The following ADCY7 variants were observed in gnomAD, a reference collection of about 807,000 sequenced individuals.
The protein encoded by ADCY7 is adenylate cyclase type 7.
Under a neutral mutation model 120.6 loss-of-function variants are expected in ADCY7, and 72 were observed. The ratio of observed to expected loss-of-function variants is 0.60; its 90% CI spans 0.49 to 0.73. The LOEUF (loss-of-function observed/expected upper bound fraction) is 0.73, where lower values mean the gene tolerates loss of function less well. ADCY7 is among the 30% of genes least tolerant of loss of function. The pLI is 0.00. For missense variants in ADCY7, 1,227 were observed against 1,486.0 expected (o/e 0.83, Z 2.87); for synonymous variants, 661 against 628.0 (o/e 1.05, Z -0.78).
chr16:50,308,965 A>C, intron 17 of ADCY7, 173 bp downstream of exon 17: 10 of 771,258 alleles, frequency 1.3e-5, no homozygotes, highest in Non-Finnish European at 1.9e-5. Context: ...TTGGGTTCTC[A>C]AATGCGGACT....
At chr16:50,299,060 G>A in intron 8 of ADCY7, 29 bp downstream of exon 8, 3 of 1,586,040 alleles carry the variant, frequency 1.9e-6, no homozygotes, top group Non-Finnish European at 2.6e-6. Flanking sequence ...CAGGCCCTGG[G>A]TCCTGCCCTG....
intron 25 of ADCY7, 86 bp from the exon 26 acceptor site, chr16:50,315,273 T>C (rs891583624): frequency 8.3e-6 from 13 of 1,567,834 alleles, no homozygotes; most frequent in South Asian, 1.2e-5. Context: ...GAAGGCAGAC[T>C]GCATGCCTGG....
chr16:50,282,375 T>A (rs1014115206), intron 1 of ADCY7, among the ~76,000 whole-genome samples: 3 of 152,212 alleles, frequency 2.0e-5, no homozygotes, highest in Non-Finnish European at 4.4e-5. Context: ...CCAGCAGGTC[T>A]TCTGGCTGGA....
chr16:50,310,385 C>T, intron 18 of ADCY7: 1 of 1,413,706 alleles, frequency 7.1e-7, no homozygotes. Flanking sequence ...CTCACAAAAA[C>T]TCAGGGAGGC....
chr16:50,291,948 G>A (rs759070587), intron 4 of ADCY7, 51 bp downstream of exon 4: 2 of 1,539,088 alleles, frequency 1.3e-6, no homozygotes, highest in South Asian at 1.3e-5. Context: ...CTGGGTCTAA[G>A]GGCAGATGGG....
At chr16:50,287,140 C>T (rs887731387) in intron 1 of ADCY7, among the ~76,000 whole-genome samples, 12 of 151,904 alleles carry the variant, frequency 7.9e-5, no homozygotes, top group African/African-American at 9.6e-5. Context: ...CTCAGCTTCC[C>T]GAGTAGCTGG....
chr16:50,313,857 G>C (rs1299113895), intron 22 of ADCY7, 101 bp from the exon 23 acceptor site: 1 of 893,006 alleles, frequency 1.1e-6, no homozygotes, highest in Non-Finnish European at 1.8e-6. Flanking sequence ...GCGAGAGGCG[G>C]CGATGGGTGG....
At chr16:50,294,039 G>A (rs1464803794) in intron 6 of ADCY7, among the ~76,000 whole-genome samples, 1 of 152,186 alleles carries the variant, frequency 6.6e-6, no homozygotes, top group African/African-American at 2.4e-5. Flanking sequence ...TGCAGCGCCA[G>A]CATTACATCC....
At position 50,266,619 on chromosome 16, in the gene ADCY7, C is replaced by T. The variant is rs902686623; in HGVS notation, c.-330C>T. 3.9e-5 allele frequency: 6 copies of T among 153,680 alleles called. No homozygotes were observed. The highest frequency in any genetic ancestry group is 3.7e-4 in the South Asian group (2 of 5,478). The allele number at this position is 153,680 out of a possible 1,614,324, so 9.5% of individuals were successfully genotyped here. ...CTGGGCGCGTCTGAGGAAGGGCAGGCGGGGGCCGGGCCACCTCCCTGCAGA... is the reference window on the plus strand; with the variant it reads ...CTGGGCGCGTCTGAGGAAGGGCAGGTGGGGGCCGGGCCACCTCCCTGCAGA... On this transcript the variant is annotated 5_prime_UTR_variant, in exon 1 of 26. Coordinates refer to ENST00000673801, the MANE Select transcript of ADCY7 (RefSeq NM_001114.5).
At chr16:50,290,814 A>G (rs976677841) in intron 3 of ADCY7, among the ~76,000 whole-genome samples, 154 bp downstream of exon 3, 3 of 152,158 alleles carry the variant, frequency 2.0e-5, no homozygotes, top group Non-Finnish European at 4.4e-5. Context: ...CTCTGCATTG[A>G]CAGGGCTGAG....
chr16:50,268,951 C>T, intron 1 of ADCY7, among the ~76,000 whole-genome samples: 1 of 152,188 alleles, frequency 6.6e-6, no homozygotes, highest in East Asian at 1.9e-4. Context: ...GCAGGAGGAT[C>T]CTTTGAGCCC....
At chr16:50,255,146 A>C (rs1348852154) in intron 1 of ADCY7, among the ~76,000 whole-genome samples, 1 of 149,486 alleles carries the variant, frequency 6.7e-6, no homozygotes, top group East Asian at 1.9e-4. Flanking sequence ...AAAAATTAAA[A>C]ATTTGCCGAG....
chr16:50,273,700 C>A (rs1199742111), intron 1 of ADCY7, among the ~76,000 whole-genome samples: 1 of 152,202 alleles, frequency 6.6e-6, no homozygotes, highest in Non-Finnish European at 1.5e-5. Context: ...GAAACTGAGT[C>A]CTGAGAGGCA....
chr16:50,271,267 G>A (rs1335603679), intron 1 of ADCY7, among the ~76,000 whole-genome samples: 3 of 152,000 alleles, frequency 2.0e-5, no homozygotes, highest in South Asian at 4.2e-4. Flanking sequence ...ATTTTGACAG[G>A]GTCTGGCTCT....
upstream of ADCY7, among the ~76,000 whole-genome samples, chr16:50,263,337 C>T (rs2033108181): frequency 6.6e-6 from 1 of 152,058 alleles, no homozygotes; most frequent in African/African-American, 2.4e-5. Context: ...TGGCTGGTGG[C>T]TGCGGCTGCG....
upstream of ADCY7, among the ~76,000 whole-genome samples, chr16:50,263,344 T>G (rs1006510271): frequency 6.6e-6 from 1 of 151,956 alleles, no homozygotes; most frequent in African/African-American, 2.4e-5. Flanking sequence ...TGGCTGCGGC[T>G]GCGGGGAGCA....
At chr16:50,304,809 C>T (rs1414141857) in intron 11 of ADCY7, 116 bp from the exon 12 acceptor site, 2 of 1,429,184 alleles carry the variant, frequency 1.4e-6, no homozygotes, top group Non-Finnish European at 2.0e-6. Flanking sequence ...GCTTGGACGA[C>T]CCCGACACCT....
chr16:50,313,825 A>G, intron 22 of ADCY7, 133 bp from the exon 23 acceptor site: 1 of 687,026 alleles, frequency 1.5e-6, no homozygotes, highest in Non-Finnish European at 2.5e-6. Context: ...CTCAGCTGGC[A>G]GGGCAGCCAT....
Position 50,311,901 on chromosome 16 carries a change from C to T in ADCY7, c.2448+115C>T, listed in dbSNP as rs963438255. ...GTGGAGTAGCAGAAAAGACTAGAGT[C>T]CTGCCAGGAAAGCACTGGTCCCCTG... On this transcript the variant is annotated intron_variant, in intron 20 of 25. Transcript: ENST00000673801. 5 of 1,463,484 alleles carry T rather than the reference C, an allele frequency of 3.4e-6. No individual in the cohort carries two copies. The Admixed American group carries it at 7.0e-5, about 20-fold the overall frequency. 90.7% of individuals were successfully genotyped at this position (1,463,484 alleles called of 1,614,324 possible). A position where few individuals can be genotyped will look rare whatever the true frequency, so the allele number is the denominator to read the frequency against.
Sources: gnomAD v4.1 joint callset for allele counts (sites outside exome capture counted in the v4.1 genomes callset) on GRCh38, gnomAD v4.1.1 for gene constraint, MANE v1.5 for transcripts, NCBI Gene and HGNC (gene_info 2026-07-23, HGNC 2026-07-21) for gene names.